DGKH: variants seen among roughly 807,000 people sequenced by gnomAD.
DGKH encodes DAG kinase eta.
A neutral mutation model predicts 159.3 loss-of-function variants in DGKH; 90 were observed. The observed-to-expected ratio is 0.57, with a 90% confidence interval of 0.48 to 0.67. DGKH has a LOEUF of 0.67. Among genes scored for constraint, DGKH ranks in the 30% least tolerant of loss-of-function variants. The pLI, the probability that DGKH is intolerant of heterozygous loss-of-function variation, is 0.00. For missense variants in DGKH, 1,181 were observed against 1,506.1 expected, an observed-to-expected ratio of 0.78 and a Z score of 3.57; for synonymous variants, 536 against 553.8, an observed-to-expected ratio of 0.97 and a Z score of 0.45.
At chr13:42,105,040 TATG>T (rs1178418128) in intron 1 of DGKH, among the ~76,000 whole-genome samples, 1 of 152,062 alleles carries the variant, frequency 6.6e-6, no homozygotes, top group East Asian at 1.9e-4. Context: ...TGTATGTATG[TATG>T]TATGTGTAGT....
intron 1 of DGKH, among the ~76,000 whole-genome samples, chr13:42,105,017 A>T (rs1201865902): frequency 1.1e-5 from 1 of 91,908 alleles, no homozygotes; most frequent in Non-Finnish European, 2.7e-5. Flanking sequence ...TTATGTACAT[A>T]CATATGTATG....
chr13:42,186,966 G>T (rs371444519), intron 13 of DGKH, 83 bp from the exon 14 acceptor site: 2 of 1,197,096 alleles, frequency 1.7e-6, no homozygotes, highest in Non-Finnish European at 2.5e-6. Context: ...TTGCTTAATT[G>T]TGTTTCTTTT....
In DGKH at chr13:42,214,574, T is replaced by A; in HGVS notation, c.3082T>A (p.Ser1028Thr). The A allele has an allele frequency of 6.2e-7, 1 of 1,613,686 alleles. No homozygotes were observed. Among genetic ancestry groups the A allele is most frequent in the East Asian group, 2.2e-5 (1 of 44,872 alleles). The change falls in exon 25 of 30, where the codon TCC becomes ACC. Residue 1028 changes from serine (S) to threonine (T), a missense_variant. Coordinates refer to ENST00000337343, the MANE Select transcript of DGKH (RefSeq NM_178009.5). ...QELAHAVNAC[S>T]HALNKANPRC... ...ACTGGCCCATGCTGTGAATGCCTGC[T>A]CCCATGCCCTGAATAAAGCCAACCC...
At chr13:42,081,557 T>C (rs935546418) in intron 1 of DGKH, among the ~76,000 whole-genome samples, 1 of 152,246 alleles carries the variant, frequency 6.6e-6, no homozygotes, top group Admixed American at 6.5e-5. Context: ...AAATTATCTT[T>C]GTATATATCA....
chr13:42,048,862 C>T lies in DGKH; in HGVS notation c.89C>T (p.Ala30Val), dbSNP rs763583202. The change falls in exon 1 of 30, where the codon GCC becomes GTC. Residue 30 changes from alanine to valine, a missense_variant. By Grantham distance (64) the Ala-to-Val change is moderately conservative. Around this residue, in one of 5 missense-constraint regions of DGKH, gnomAD observed 136 missense variants for 132.2 expected, o/e 1.03. Coordinates refer to ENST00000337343, the MANE Select transcript of DGKH (RefSeq NM_178009.5). This position sits in a 1 kb window ranked among gnomAD's most constrained non-coding sequence, Gnocchi z 6.7. ...GAGAAVTSAA[A>V]SAGPGEDSSD... ...GGCGCCGCGGTCACCTCCGCCGCTG[C>T]CTCGGCGGGGCCGGGAGAGGATTCG... The T allele has an allele frequency of 7.3e-7, 1 of 1,375,372 alleles. No individual in the cohort carries two copies. Among genetic ancestry groups the T allele is most frequent in the African/African-American group, 1.5e-5 (1 of 66,622 alleles). 85.2% of individuals were successfully genotyped at this position (1,375,372 alleles called of 1,614,324 possible).
intron 9 of DGKH, 58 bp downstream of exon 9, chr13:42,166,732 G>A: frequency 7.3e-7 from 1 of 1,369,580 alleles, no homozygotes; most frequent in Non-Finnish European, 9.5e-7. Context: ...TGTTAAATGT[G>A]TTTGGTTTTT....
chr13:42,213,141 G>A (rs1957700914), intron 24 of DGKH, among the ~76,000 whole-genome samples: 1 of 152,080 alleles, frequency 6.6e-6, no homozygotes, highest in East Asian at 1.9e-4. Context: ...GCAAAGCTGG[G>A]GCAAGGTGAA....
intron 1 of DGKH, among the ~76,000 whole-genome samples, chr13:42,040,897 C>T (rs1175808016): frequency 6.7e-6 from 1 of 148,444 alleles, no homozygotes; most frequent in African/African-American, 2.4e-5. Context: ...AGCCTCAGCA[C>T]GTGCGCCCCG....
chr13:42,244,705 C>G (rs1958563608), downstream of DGKH, among the ~76,000 whole-genome samples: 1 of 151,540 alleles, frequency 6.6e-6, no homozygotes, highest in Non-Finnish European at 1.5e-5. Context: ...GAGATCGAGA[C>G]CATCCTGGCT....
chr13:42,210,545 T>C (rs1167457248), intron 23 of DGKH, 57 bp from the exon 24 acceptor site: 1 of 1,523,880 alleles, frequency 6.6e-7, no homozygotes, highest in East Asian at 2.3e-5. Flanking sequence ...AAGCACACAT[T>C]TACATGGACC....
chr13:42,178,016 A>G (rs1956648865), intron 12 of DGKH, 119 bp from the exon 13 acceptor site: 2 of 531,640 alleles, frequency 3.8e-6, no homozygotes, highest in African/African-American at 1.9e-5. Context: ...CATATATTTC[A>G]TTATAGTGAT....
At chr13:42,219,596 T>A (rs1957912999) in intron 27 of DGKH, 90 bp from the exon 28 acceptor site, 15 of 1,320,826 alleles carry the variant, frequency 1.1e-5, no homozygotes, top group African/African-American at 1.5e-5. Flanking sequence ...TTAGTGTTTA[T>A]AACTTATTCC....
chr13:42,173,941 ATGTG>A lies in DGKH; in HGVS notation c.1368-104_1368-101del, dbSNP rs71298955. 3.2e-4 allele frequency: 152 copies of A among 479,946 alleles called. 1 individual carries two copies. The highest frequency in any genetic ancestry group is 8.5e-4 in the South Asian group (21 of 24,568). 29.7% of individuals were successfully genotyped at this position (479,946 alleles called of 1,614,324 possible). On this transcript the variant is annotated intron_variant, in intron 11 of 29. Transcript: ENST00000337343. Reference sequence around the variant, plus strand: ...AGATAAAATAAACCATAGTTCATGAATGTGTGTGTGTGTGTGTGCGTGCGTGTGT... The same window carrying A: ...AGATAAAATAAACCATAGTTCATGAATGTGTGTGTGTGTGCGTGCGTGTGT...
At chr13:42,159,399 C>CTTCCCACT (rs1442116179) in intron 6 of DGKH, 27 bp downstream of exon 6, 32 of 1,457,680 alleles carry the variant, frequency 2.2e-5, no homozygotes, top group Non-Finnish European at 2.9e-5. Flanking sequence ...TCTCTGCTCT[C>CTTCCCACT]TTCCCACTAA....
intron 20 of DGKH, among the ~76,000 whole-genome samples, chr13:42,200,943 A>T (rs1369845738): frequency 6.6e-6 from 1 of 151,968 alleles, no homozygotes; most frequent in Non-Finnish European, 1.5e-5. Flanking sequence ...TCATGTAATC[A>T]TTCCTTTTTT....
intron 13 of DGKH, among the ~76,000 whole-genome samples, chr13:42,179,680 T>C (rs1184804205): frequency 6.6e-6 from 1 of 151,074 alleles, no homozygotes; most frequent in African/African-American, 2.4e-5. Context: ...CTCAGGAGGC[T>C]GAGGTGGGAG....
chr13:42,088,794 T>C (rs1230981085), intron 1 of DGKH, among the ~76,000 whole-genome samples: 1 of 152,190 alleles, frequency 6.6e-6, no homozygotes, highest in Non-Finnish European at 1.5e-5. Flanking sequence ...TAATTGTAAG[T>C]TTTCTAAACA....
In DGKH at chr13:42,194,866, C is replaced by T; in HGVS notation, c.2036-19C>T. On this transcript the variant is annotated intron_variant, in intron 16 of 29. Transcript: ENST00000337343. Reference sequence around the variant, plus strand: ...AGCTTTATCATTATCTCTTTTTAATCTGGACTTTTTGCCAACAGTTAAAAC... The same window carrying T: ...AGCTTTATCATTATCTCTTTTTAATTTGGACTTTTTGCCAACAGTTAAAAC... The T allele has an allele frequency of 6.2e-7, 1 of 1,603,712 alleles. No homozygotes were observed. Among genetic ancestry groups the T allele is most frequent in the Non-Finnish European group, 8.5e-7 (1 of 1,176,876 alleles).
At chr13:42,113,323 C>T (rs1954902685) in intron 1 of DGKH, among the ~76,000 whole-genome samples, 1 of 152,096 alleles carries the variant, frequency 6.6e-6, no homozygotes, top group Non-Finnish European at 1.5e-5. Flanking sequence ...CCTGATAATT[C>T]CAATCACCAA....
Sources: gnomAD v4.1 joint callset for allele counts (sites outside exome capture counted in the v4.1 genomes callset) on GRCh38, gnomAD v4.1.1 for gene constraint, gnomAD v4.1.1 regional missense constraint, Gnocchi (gnomAD v3.1) non-coding constraint, MANE v1.5 for transcripts, NCBI Gene and HGNC (gene_info 2026-07-23, HGNC 2026-07-21) for gene names.